The following CAST variants were observed in gnomAD, a reference collection of about 807,000 sequenced individuals.
CAST encodes MIR583 host.
CAST carries 76 observed loss-of-function variants against 119.6 expected under a neutral mutation model. The observed-to-expected ratio is 0.64, with a 90% CI of 0.53 to 0.77. The LOEUF (loss-of-function observed/expected upper bound fraction) is 0.77, where lower values mean the gene tolerates loss of function less well. Ranked by LOEUF, CAST falls within the 30% of genes least tolerant of loss-of-function variation. The probability of loss-of-function intolerance (pLI) is 0.00; values close to 1 mark genes in which losing one functional copy is unlikely to be tolerated. For synonymous variants in CAST, 319 were observed against 331.6 expected (o/e 0.96, Z 0.41); for missense variants, 953 against 946.5 (o/e 1.01, Z -0.09).
the CAST span, among the ~76,000 whole-genome samples, chr5:96,061,645 G>T: frequency 1.4e-5 from 1 of 69,054 alleles, no homozygotes; most frequent in African/African-American, 4.9e-5. Flanking sequence ...TTGTTATTCA[G>T]TGTGTGTGTG....
At chr5:96,378,895 T>C in the CAST span, among the ~76,000 whole-genome samples, 6 of 152,160 alleles carry the variant, frequency 3.9e-5, no homozygotes, top group African/African-American at 1.4e-4. Flanking sequence ...GATTACAGTG[T>C]ATGTATATAT....
chr5:96,361,171 G>GC, the CAST span, among the ~76,000 whole-genome samples: 1 of 152,138 alleles, frequency 6.6e-6, no homozygotes, highest in Admixed American at 6.5e-5. Flanking sequence ...AATGGTGGAT[G>GC]CCCCTCTTCC....
the CAST span, among the ~76,000 whole-genome samples, chr5:96,094,994 G>T: frequency 6.6e-6 from 1 of 152,164 alleles, no homozygotes; most frequent in African/African-American, 2.4e-5. Flanking sequence ...TGAAAAAAAT[G>T]AGTATTCCAT....
intron 15 of CAST, 66 bp from the exon 16 acceptor site, chr5:96,742,589 A>C (rs1020263024): frequency 2.9e-6 from 3 of 1,020,866 alleles, no homozygotes; most frequent in Non-Finnish European, 1.5e-6. Flanking sequence ...TTTACAAAGA[A>C]GTAAATGGAT....
the CAST span, among the ~76,000 whole-genome samples, chr5:96,036,934 A>G: frequency 6.6e-6 from 1 of 152,180 alleles, no homozygotes; most frequent in African/African-American, 2.4e-5. Context: ...AACTGTTCTC[A>G]ATGATAGGGA....
chr5:96,098,112 C>T, the CAST span, among the ~76,000 whole-genome samples: 1 of 152,086 alleles, frequency 6.6e-6, no homozygotes, highest in Non-Finnish European at 1.5e-5. Flanking sequence ...AATTGTTGGG[C>T]ACATGTATGT....
the CAST span, among the ~76,000 whole-genome samples, chr5:96,070,295 T>C: frequency 5.9e-5 from 9 of 152,228 alleles, no homozygotes; most frequent in Admixed American, 3.9e-4. Context: ...TATAGTTGTT[T>C]ATTTATGTAA....
At chr5:96,295,209 C>G in the CAST span, among the ~76,000 whole-genome samples, 2 of 152,056 alleles carry the variant, frequency 1.3e-5, no homozygotes, top group Non-Finnish European at 2.9e-5. Context: ...CTTTTTGAAT[C>G]TCTCTTTTGA....
chr5:96,736,027 AACAC>A, intron 9 of CAST, 141 bp from the exon 10 acceptor site: 1 of 585,636 alleles, frequency 1.7e-6, no homozygotes, highest in Non-Finnish European at 3.0e-6. Flanking sequence ...AAGGATATAA[AACAC>A]ACAGCACAGT....
rs546094852 is a variant in CAST at position 96,545,951 on chromosome 5, C to T, written c.60+16071C>T. ...GACTTCTTTGTCACCAGTTTCTCAA[C>T]CTTGTTCCTTCTAAGTCACTGACCT... On this transcript the variant is annotated intron_variant, in intron 1 of 11. Coordinates refer to the CAST transcript ENST00000505143. Among the ~76,000 whole-genome samples, 272 of 152,332 alleles carry T rather than the reference C, an allele frequency of 1.8e-3. 2 individuals carry two copies. Among genetic ancestry groups the T allele is most frequent in the African/African-American group, 6.1e-3 (254 of 41,570 alleles).
intron 3 of CAST, among the ~76,000 whole-genome samples, chr5:96,705,012 A>T (rs1239620351): frequency 6.6e-6 from 1 of 152,216 alleles, no homozygotes; most frequent in African/African-American, 2.4e-5. Context: ...CCAATTTTTT[A>T]AAATTGAATA....
the CAST span, among the ~76,000 whole-genome samples, chr5:96,309,947 C>A: frequency 1.3e-5 from 2 of 152,178 alleles, no homozygotes; most frequent in East Asian, 3.9e-4. Context: ...TATTGGTCTG[C>A]AAGGACTTCC....
At chr5:96,315,908 C>T in the CAST span, among the ~76,000 whole-genome samples, 3 of 152,182 alleles carry the variant, frequency 2.0e-5, no homozygotes, top group Admixed American at 6.5e-5. Context: ...TGAGCCCAGA[C>T]TTCCTGCTGT....
intron 1 of CAST, among the ~76,000 whole-genome samples, chr5:96,606,172 A>AC (rs948154508): frequency 6.7e-4 from 102 of 151,192 alleles, no homozygotes; most frequent in African/African-American, 2.2e-3. Flanking sequence ...AACAACAACA[A>AC]AAAAAAAACA....
the CAST span, among the ~76,000 whole-genome samples, chr5:96,287,240 C>A: frequency 6.6e-6 from 1 of 152,010 alleles, no homozygotes; most frequent in Admixed American, 6.6e-5. Flanking sequence ...CACATTCTTC[C>A]CCCCTCCCCT....
chr5:96,639,702 C>G (rs1236021637), intron 1 of CAST, among the ~76,000 whole-genome samples: 1 of 152,174 alleles, frequency 6.6e-6, no homozygotes, highest in African/African-American at 2.4e-5. Context: ...GAATGTCAGA[C>G]AGTATGTAAT....
At chr5:96,370,723 G>A in the CAST span, among the ~76,000 whole-genome samples, 1 of 152,184 alleles carries the variant, frequency 6.6e-6, no homozygotes, top group African/African-American at 2.4e-5. Flanking sequence ...ACTACACTGT[G>A]CAACTGTTGC....
the CAST span, among the ~76,000 whole-genome samples, chr5:96,296,997 T>C: frequency 6.6e-6 from 1 of 152,174 alleles, no homozygotes; most frequent in East Asian, 1.9e-4. Context: ...ATTGTTTTTA[T>C]GTCTTCTGGT....
At chr5:96,398,963 T>G in the CAST span, 1 of 1,611,932 alleles carries the variant, frequency 6.2e-7, no homozygotes, top group African/African-American at 1.3e-5. Context: ...TCCAGGGACT[T>G]GATAGCATTT....
Sources: allele counts gnomAD v4.1 joint callset (sites outside exome capture counted in the v4.1 genomes callset), GRCh38; gene constraint gnomAD v4.1.1; transcripts MANE v1.5; gene names NCBI Gene and HGNC (gene_info 2026-07-23, HGNC 2026-07-21).